INSYN2B: variants seen among roughly 807,000 people sequenced by gnomAD.
The protein encoded by INSYN2B is inhibitory synaptic factor family member 2B.
Under a neutral mutation model 41.2 loss-of-function variants are expected in INSYN2B, and 16 were observed. That is an observed-to-expected ratio of 0.39 (90% CI 0.26 to 0.59). INSYN2B has a LOEUF of 0.59. Ranked by LOEUF, INSYN2B falls within the 20% of genes least tolerant of loss-of-function variation. The probability of loss-of-function intolerance (pLI) is 0.57; values close to 1 mark genes in which losing one functional copy is unlikely to be tolerated. For synonymous variants in INSYN2B, 245 were observed against 244.4 expected (o/e 1.00, Z -0.02); for missense variants, 608 against 646.4 (o/e 0.94, Z 0.64).
chr5:169,896,130 A>C (rs1422835079), intron 1 of INSYN2B, among the ~76,000 whole-genome samples: 1 of 148,786 alleles, frequency 6.7e-6, no homozygotes, highest in African/African-American at 2.5e-5. Context: ...GAGCTCCCAG[A>C]GCGTGCAGGC....
intron 1 of INSYN2B, among the ~76,000 whole-genome samples, chr5:169,958,627 G>T (rs1332189179): frequency 1.3e-5 from 2 of 151,466 alleles, no homozygotes; most frequent in African/African-American, 2.4e-5. Context: ...TTTAAATATT[G>T]ATTGTATAGG....
chr5:169,951,005 G>T (rs1177053721), intron 1 of INSYN2B, among the ~76,000 whole-genome samples: 1 of 152,158 alleles, frequency 6.6e-6, no homozygotes, highest in Non-Finnish European at 1.5e-5. Flanking sequence ...TAGATTTCCA[G>T]CTGCTCCGAA....
chr5:169,935,536 G>A (rs903092652), intron 1 of INSYN2B, among the ~76,000 whole-genome samples: 2 of 152,196 alleles, frequency 1.3e-5, no homozygotes, highest in South Asian at 2.1e-4. Context: ...ATCAGGTCAA[G>A]GTTTGGGAGA....
intron 1 of INSYN2B, among the ~76,000 whole-genome samples, chr5:169,905,028 T>C (rs1356922773): frequency 6.6e-6 from 1 of 152,090 alleles, no homozygotes; most frequent in Non-Finnish European, 1.5e-5. Context: ...AAAATGAAGA[T>C]AGTAGTCATG....
chr5:169,881,255 A>C, intron 3 of INSYN2B, 113 bp downstream of exon 3: 1 of 833,038 alleles, frequency 1.2e-6, no homozygotes, highest in South Asian at 1.5e-5. Context: ...TTTCATAGTT[A>C]AATACCTTGT....
chr5:169,926,237 C>T (rs192512584), intron 1 of INSYN2B, among the ~76,000 whole-genome samples: 303 of 152,300 alleles, frequency 2.0e-3, no homozygotes, highest in Non-Finnish European at 3.3e-3. Flanking sequence ...GGGGAAGCCA[C>T]TCACCTGATT....
At position 169,883,545 on chromosome 5, in the gene INSYN2B, A is replaced by G; in HGVS notation, c.354T>C (p.Ser118=). The G allele has an allele frequency of 6.4e-7, 1 of 1,551,628 alleles. No homozygotes were observed. Among genetic ancestry groups the G allele is most frequent in the South Asian group, 1.2e-5 (1 of 84,058 alleles). Residue 118 remains serine (S), a synonymous_variant, in exon 2 of 4, where the codon AGT becomes AGC. Coordinates refer to ENST00000377365, the MANE Select transcript of INSYN2B (RefSeq NM_001129891.3). ...CTGTTGGCATTTCCACCAGGGACTT[A>G]CTGGCTGTGAGTCTCTTCCTTTTGA... ...PVFKRKRLTA[S]KSLVEMPTAS...
chr5:169,919,145 T>C (rs1775038143), intron 1 of INSYN2B, among the ~76,000 whole-genome samples: 1 of 152,358 alleles, frequency 6.6e-6, no homozygotes, highest in South Asian at 2.1e-4. Context: ...AAATGTAATT[T>C]AAAACTTAAA....
At chr5:169,960,507 G>A (rs1458514020) in intron 1 of INSYN2B, among the ~76,000 whole-genome samples, 1 of 152,136 alleles carries the variant, frequency 6.6e-6, no homozygotes, top group African/African-American at 2.4e-5. Flanking sequence ...GGAATAAAAA[G>A]GAAAATTATT....
intron 1 of INSYN2B, among the ~76,000 whole-genome samples, chr5:169,887,957 CATT>C (rs1773066912): frequency 6.6e-6 from 1 of 152,134 alleles, no homozygotes; most frequent in Non-Finnish European, 1.5e-5. Context: ...AATTGTATCT[CATT>C]ATTCTCGATA....
intron 1 of INSYN2B, among the ~76,000 whole-genome samples, chr5:169,903,609 G>A (rs916478217): frequency 6.6e-6 from 1 of 152,142 alleles, no homozygotes; most frequent in Non-Finnish European, 1.5e-5. Flanking sequence ...TAGGTACAAA[G>A]GCCTCCAAGT....
chr5:169,909,182 CTGTCCAGTA>C (rs1302030685), intron 1 of INSYN2B, among the ~76,000 whole-genome samples: 1 of 152,220 alleles, frequency 6.6e-6, no homozygotes, highest in Non-Finnish European at 1.5e-5. Flanking sequence ...CTATGATGTG[CTGTCCAGTA>C]TGGGAACCTT....
chr5:169,904,725 G>A (rs948924215), intron 1 of INSYN2B, among the ~76,000 whole-genome samples: 7 of 152,292 alleles, frequency 4.6e-5, no homozygotes, highest in Non-Finnish European at 7.4e-5. Flanking sequence ...TCAGCTCAGC[G>A]AGCATTAACT....
intron 1 of INSYN2B, among the ~76,000 whole-genome samples, chr5:169,969,917 T>G (rs1177557291): frequency 6.6e-6 from 1 of 152,244 alleles, no homozygotes; most frequent in Non-Finnish European, 1.5e-5. Flanking sequence ...CAAAATTCAA[T>G]GCAAGTTCTT....
intron 1 of INSYN2B, among the ~76,000 whole-genome samples, chr5:169,913,775 A>AT (rs1774729231): frequency 6.6e-6 from 1 of 152,118 alleles, no homozygotes; most frequent in South Asian, 2.1e-4. Flanking sequence ...TAACCCTCTT[A>AT]TTTTTGATCA....
chr5:169,910,314 C>T (rs949065271), intron 1 of INSYN2B, among the ~76,000 whole-genome samples: 6 of 152,196 alleles, frequency 3.9e-5, no homozygotes, highest in Non-Finnish European at 8.8e-5. Context: ...TAAGGAAGAT[C>T]TCTTTTGAGC....
At chr5:169,926,132 C>G (rs1775439918) in intron 1 of INSYN2B, among the ~76,000 whole-genome samples, 1 of 152,088 alleles carries the variant, frequency 6.6e-6, no homozygotes, top group Admixed American at 6.5e-5. Flanking sequence ...ATCTGGGAAG[C>G]CAGTCAGGCC....
At chr5:169,967,009 A>G (rs1287406409) in intron 1 of INSYN2B, among the ~76,000 whole-genome samples, 2 of 152,238 alleles carry the variant, frequency 1.3e-5, no homozygotes, top group African/African-American at 2.4e-5. Context: ...ACCATATTAT[A>G]TATCCATTCA....
intron 1 of INSYN2B, among the ~76,000 whole-genome samples, chr5:169,968,695 A>T (rs183018982): frequency 1.4e-3 from 208 of 152,086 alleles, no homozygotes; most frequent in African/African-American, 4.6e-3. Context: ...CACAATTTTG[A>T]CTCCCGCTAG....
Sources: gnomAD v4.1 joint callset for allele counts (sites outside exome capture counted in the v4.1 genomes callset) on GRCh38, gnomAD v4.1.1 for gene constraint, MANE v1.5 for transcripts, NCBI Gene and HGNC (gene_info 2026-07-23, HGNC 2026-07-21) for gene names.